LMO7: variants seen among roughly 807,000 people sequenced by gnomAD.
The protein encoded by LMO7 is LIM domain only protein 7.
LMO7 carries 120 observed loss-of-function variants against 206.5 expected under a neutral mutation model. The ratio of observed to expected loss-of-function variants is 0.58; its 90% CI spans 0.50 to 0.68. LMO7 has a LOEUF of 0.68. Ranked by LOEUF, LMO7 falls within the 30% of genes least tolerant of loss-of-function variation. The pLI is 0.00. For missense variants in LMO7, 1,959 were observed against 1,957.9 expected, an observed-to-expected ratio of 1.00 and a Z score of -0.01; for synonymous variants, 706 against 681.5, an observed-to-expected ratio of 1.04 and a Z score of -0.56.
rs183649465 is a variant in LMO7, at chr13:75,681,858, A to G, written c.70-31324A>G. ...TATCATCAGTAAATCATATCTTTTT[A>G]TAGCTGAGTAGTATTCCTTGCATGG... is the stretch of plus-strand genomic sequence containing the variant. On this transcript the variant is annotated intron_variant, in intron 1 of 30. Coordinates refer to ENST00000377534, the MANE Select transcript of LMO7 (RefSeq NM_001306080.2). Among the ~76,000 whole-genome samples, 237 of 151,446 alleles carry G rather than the reference A, an allele frequency of 1.6e-3. 4 individuals carry two copies. The highest frequency in any genetic ancestry group is 4.9e-4 in the Non-Finnish European group (33 of 67,864).
intron 1 of LMO7, among the ~76,000 whole-genome samples, chr13:75,648,267 G>C (rs1273241511): frequency 6.6e-6 from 1 of 151,872 alleles, no homozygotes; most frequent in East Asian, 1.9e-4. Flanking sequence ...TTTTATGATT[G>C]TTTCTAGCTG....
Position 75,757,790 on chromosome 13 carries a change from CTGTGTGTGTGTGTG to C in LMO7, c.211-3104_211-3091del, listed in dbSNP as rs57536883. Among the ~76,000 whole-genome samples the C allele has an allele frequency of 3.6e-3, 513 of 143,548 alleles. 2 individuals carry two copies. The highest frequency in any genetic ancestry group is 0.012 in the Middle Eastern group (3 of 260). The allele number at this position is 143,548 out of a possible 152,430, so 94.2% of individuals were successfully genotyped here. A position where few individuals can be genotyped will look rare whatever the true frequency, so the allele number is the denominator to read the frequency against. Reference sequence around the variant, plus strand: ...TAGATACATTTAGGGCTCATTGTTTCTGTGTGTGTGTGTGTGTGTGTGTGTGTGTGTGTGTGTGT... The same window carrying C: ...TAGATACATTTAGGGCTCATTGTTTCTGTGTGTGTGTGTGTGTGTGTGTGT... On this transcript the variant is annotated intron_variant, in intron 3 of 30. Transcript: ENST00000377534.
chr13:75,664,888 C>A (rs1376951918), intron 1 of LMO7, among the ~76,000 whole-genome samples: 1 of 151,934 alleles, frequency 6.6e-6, no homozygotes, highest in African/African-American at 2.4e-5. Flanking sequence ...TTTCATAATC[C>A]CCATCCTTTA....
intron 1 of LMO7, among the ~76,000 whole-genome samples, chr13:75,622,745 A>T (rs151278148): frequency 6.6e-6 from 1 of 152,320 alleles, no homozygotes; most frequent in East Asian, 1.9e-4. Flanking sequence ...TTTATGCATA[A>T]GAAGATTTTA....
chr13:75,839,973 A>T (rs1172608099), intron 20 of LMO7, 112 bp from the exon 21 acceptor site: 5 of 916,106 alleles, frequency 5.5e-6, no homozygotes, highest in Non-Finnish European at 8.6e-6. Context: ...ATTGTCACTT[A>T]GTATACTGGC....
At chr13:75,740,127 T>G (rs1412160710) in intron 3 of LMO7, among the ~76,000 whole-genome samples, 1 of 152,234 alleles carries the variant, frequency 6.6e-6, no homozygotes, top group Non-Finnish European at 1.5e-5. Flanking sequence ...GAATGTGGCT[T>G]GGATGAGTTA....
intron 9 of LMO7, chr13:75,806,249 C>T (rs1394787903): frequency 6.1e-6 from 6 of 989,890 alleles, no homozygotes; most frequent in Middle Eastern, 5.1e-4. Flanking sequence ...AGTAGTGCTT[C>T]GGATGAGCCC....
intron 23 of LMO7, 122 bp downstream of exon 23, chr13:75,841,323 T>C: frequency 3.0e-6 from 2 of 671,066 alleles, no homozygotes; most frequent in Non-Finnish European, 5.1e-6. Flanking sequence ...GTGTAGCTCT[T>C]TGAAAAATAC....
intron 3 of LMO7, among the ~76,000 whole-genome samples, chr13:75,730,240 T>C (rs1004682030): frequency 3.3e-5 from 5 of 152,210 alleles, no homozygotes; most frequent in African/African-American, 4.8e-5. Flanking sequence ...AGTATTTGGC[T>C]GTGAATCCAT....
intron 1 of LMO7, among the ~76,000 whole-genome samples, chr13:75,685,382 G>A (rs1332394845): frequency 6.6e-6 from 1 of 152,182 alleles, no homozygotes; most frequent in African/African-American, 2.4e-5. Context: ...TTTGTGTGAA[G>A]TGGAAGGAAA....
At chr13:75,784,675 T>C (rs2052114204) in intron 4 of LMO7, among the ~76,000 whole-genome samples, 6 of 152,192 alleles carry the variant, frequency 3.9e-5, no homozygotes, top group Admixed American at 3.9e-4. Flanking sequence ...AACTTCCATG[T>C]ACATCAGAAA....
At chr13:75,734,779 A>G (rs2045631701) in intron 3 of LMO7, among the ~76,000 whole-genome samples, 1 of 152,198 alleles carries the variant, frequency 6.6e-6, no homozygotes, top group Non-Finnish European at 1.5e-5. Context: ...TCATTAATAG[A>G]CAGCTGACCT....
chr13:75,637,006 G>C (rs2035964938), intron 1 of LMO7, among the ~76,000 whole-genome samples: 1 of 152,186 alleles, frequency 6.6e-6, no homozygotes, highest in African/African-American at 2.4e-5. Flanking sequence ...GGCATCGCGC[G>C]TCCCGGAGGA....
At chr13:75,802,451 A>G (rs2054875083) in intron 7 of LMO7, among the ~76,000 whole-genome samples, 1 of 152,204 alleles carries the variant, frequency 6.6e-6, no homozygotes. Flanking sequence ...TTACTGAAGA[A>G]CCTACTCCAT....
At chr13:75,711,925 G>A (rs774350613) in intron 1 of LMO7, among the ~76,000 whole-genome samples, 18 of 152,194 alleles carry the variant, frequency 1.2e-4, no homozygotes, top group Non-Finnish European at 2.4e-4. Context: ...TAGATTAATG[G>A]CAAGTATAGG....
chr13:75,703,679 G>A (rs572845936), intron 1 of LMO7, among the ~76,000 whole-genome samples: 11 of 151,984 alleles, frequency 7.2e-5, no homozygotes, highest in African/African-American at 2.7e-4. Flanking sequence ...AAGGAGTCTG[G>A]TACTTCCATC....
intron 15 of LMO7, among the ~76,000 whole-genome samples, chr13:75,828,877 G>A (rs912052557): frequency 6.6e-6 from 1 of 152,090 alleles, no homozygotes. Flanking sequence ...TGTGTAGGGT[G>A]GAGAGTAGGG....
intron 19 of LMO7, among the ~76,000 whole-genome samples, chr13:75,836,769 A>G (rs1310073435): frequency 1.3e-5 from 2 of 152,190 alleles, no homozygotes; most frequent in Admixed American, 6.6e-5. Flanking sequence ...GTATGCTGGC[A>G]ATGGGAATCT....
rs113177233 is a variant in LMO7, at chr13:75,807,156, T to G, written c.1197-324T>G. 1,762 of 258,296 alleles carry G rather than the reference T, an allele frequency of 6.8e-3. 33 individuals carry two copies. Among genetic ancestry groups the G allele is most frequent in the African/African-American group, 0.032 (1,476 of 45,714 alleles). The allele number at this position is 258,296 out of a possible 1,614,324, so 16.0% of individuals were successfully genotyped here. A position where few individuals can be genotyped will look rare whatever the true frequency, so the allele number is the denominator to read the frequency against. Reference sequence around the variant, plus strand: ...ACAAACAAACAAACAAAAAACAGGGTACCAGGGAGTGGCTTTTGTGTGTGC... The same window carrying G: ...ACAAACAAACAAACAAAAAACAGGGGACCAGGGAGTGGCTTTTGTGTGTGC... On this transcript the variant is annotated intron_variant, in intron 9 of 30. Coordinates refer to ENST00000377534, the MANE Select transcript of LMO7 (RefSeq NM_001306080.2).
Sources: gnomAD v4.1 joint callset for allele counts (sites outside exome capture counted in the v4.1 genomes callset) on GRCh38, gnomAD v4.1.1 for gene constraint, MANE v1.5 for transcripts, NCBI Gene and HGNC (gene_info 2026-07-23, HGNC 2026-07-21) for gene names.